RRBP1: variants seen among roughly 807,000 people sequenced by gnomAD.
RRBP1 encodes the protein ribosome-binding protein 1.
A neutral mutation model predicts 165.2 loss-of-function variants in RRBP1; 94 were observed. The ratio of observed to expected loss-of-function variants is 0.57; its 90% CI spans 0.48 to 0.68. The LOEUF (loss-of-function observed/expected upper bound fraction) is 0.68. Among genes scored for constraint, RRBP1 ranks in the 30% least tolerant of loss-of-function variants. RRBP1 has a pLI of 0.00. For missense variants in RRBP1, 1,676 were observed against 1,763.0 expected (o/e 0.95, Z 0.88); for synonymous variants, 680 against 714.5 (o/e 0.95, Z 0.77).
chr20:17,620,687 G>T, intron 17 of RRBP1, 28 bp downstream of exon 17: 4 of 1,563,156 alleles, frequency 2.6e-6, no homozygotes, highest in Middle Eastern at 1.7e-4. Context: ...GCTCCACGGC[G>T]CCGGGAGGCA....
chr20:17,643,166 T>G lies in RRBP1; in HGVS notation c.1913-39A>C. The G allele has an allele frequency of 1.2e-6, 2 of 1,604,378 alleles. No homozygotes were observed. The highest frequency in any genetic ancestry group is 1.7e-6 in the Non-Finnish European group (2 of 1,176,058). ...GGGAAAGAGCTGAGACTTAGGCCCATAAGCCACAACACACGTGGCCACAAT... is the reference window on the plus strand; with the variant it reads ...GGGAAAGAGCTGAGACTTAGGCCCAGAAGCCACAACACACGTGGCCACAAT... On this transcript the variant is annotated intron_variant, in intron 3 of 24. Coordinates refer to ENST00000377813, the MANE Select transcript of RRBP1 (RefSeq NM_001365613.2). This position sits in a 1 kb window ranked among gnomAD's most constrained non-coding sequence, Gnocchi z 4.3.
intron 2 of RRBP1, among the ~76,000 whole-genome samples, chr20:17,663,025 A>T (rs369368557): frequency 9.9e-5 from 15 of 152,136 alleles, no homozygotes; most frequent in South Asian, 2.1e-4. Flanking sequence ...AAAAAAAAAT[A>T]AAAAATCCTC....
chr20:17,641,681 C>T (rs1217470557), intron 5 of RRBP1, 116 bp downstream of exon 5: 2 of 1,292,210 alleles, frequency 1.5e-6, no homozygotes, highest in Admixed American at 3.4e-5. Flanking sequence ...GCCTGACAGC[C>T]AGCTACGTTC....
At chr20:17,647,827 C>T (rs906138730) in intron 3 of RRBP1, among the ~76,000 whole-genome samples, 24 of 152,230 alleles carry the variant, frequency 1.6e-4, no homozygotes, top group Non-Finnish European at 2.2e-4. Context: ...CTGCTGCCTC[C>T]GGGCCTGCAC....
intron 19 of RRBP1, 128 bp from the exon 20 acceptor site, chr20:17,618,807 A>G (rs1416343230): frequency 5.6e-6 from 4 of 719,662 alleles, no homozygotes; most frequent in South Asian, 1.6e-5. Flanking sequence ...GGAGGGTCAC[A>G]GCATCGGGCC....
rs566472260 is a variant in RRBP1 at position 17,667,943 on chromosome 20, G to A, written c.-21-7415C>T. 1.4e-3 allele frequency among the ~76,000 whole-genome samples: 208 copies of A among 152,324 alleles called. 1 individual carries two copies. Among genetic ancestry groups the A allele is most frequent in the African/African-American group, 4.7e-3 (196 of 41,564 alleles). ...AGTTTTCTCTCACCATGTTGAAGAT[G>A]TTATTTCACTTGTCTTCCGGCATTT... On this transcript the variant is annotated intron_variant, in intron 2 of 24. Transcript: ENST00000377813.
chr20:17,641,065 G>GC (rs113087318), intron 5 of RRBP1, among the ~76,000 whole-genome samples: 2,816 of 152,280 alleles, frequency 0.018, 31 homozygotes, highest in Middle Eastern at 0.061. Context: ...GGGCCAGGGG[G>GC]CCCCTCACCC....
intron 23 of RRBP1, 32 bp downstream of exon 23, chr20:17,615,399 C>T: frequency 6.4e-7 from 1 of 1,558,018 alleles, no homozygotes; most frequent in South Asian, 1.1e-5. Context: ...GCAGACCCTC[C>T]AGGTGTGACC....
chr20:17,615,917 G>A lies in RRBP1; in HGVS notation c.3951+9C>T. ...GATGGGGGCTGAGAGCCACCAGGCAGGGCCTGACCTCCTCAAACTCGGCCG... is the reference window on the plus strand; with the variant it reads ...GATGGGGGCTGAGAGCCACCAGGCAAGGCCTGACCTCCTCAAACTCGGCCG... On this transcript the variant is annotated intron_variant, in intron 22 of 24. Transcript: ENST00000377813. 1 of 1,608,226 alleles carries A rather than the reference G, an allele frequency of 6.2e-7. No individual in the cohort carries two copies. The highest frequency in any genetic ancestry group is 8.5e-7 in the Non-Finnish European group (1 of 1,179,008).
At chr20:17,632,035 G>A (rs760236535) in intron 8 of RRBP1, among the ~76,000 whole-genome samples, 1 of 152,228 alleles carries the variant, frequency 6.6e-6, no homozygotes, top group Admixed American at 6.5e-5. Flanking sequence ...AACTCCCACA[G>A]TCACCCTGCA....
chr20:17,658,446 T>C, intron 3 of RRBP1, 150 bp downstream of exon 3: 1 of 647,998 alleles, frequency 1.5e-6, no homozygotes, highest in Non-Finnish European at 2.5e-6. Flanking sequence ...ATGACTGCTG[T>C]TGAAGGCCAC....
At chr20:17,676,718 T>C (rs1299164132) in intron 2 of RRBP1, among the ~76,000 whole-genome samples, 1 of 152,142 alleles carries the variant, frequency 6.6e-6, no homozygotes, top group Non-Finnish European at 1.5e-5. Flanking sequence ...GAAATTCCCA[T>C]TTTCCCCCAG....
At chr20:17,672,824 T>C (rs948912443) in intron 2 of RRBP1, among the ~76,000 whole-genome samples, 2 of 152,168 alleles carry the variant, frequency 1.3e-5, no homozygotes, top group African/African-American at 4.8e-5. Context: ...AAACTACAAT[T>C]ACCCCAACAA....
chr20:17,621,211 C>T (rs545506683), intron 16 of RRBP1, among the ~76,000 whole-genome samples: 9 of 152,326 alleles, frequency 5.9e-5, no homozygotes, highest in African/African-American at 2.2e-4. Flanking sequence ...CTGCTTACCC[C>T]GTCCTTCCCC....
chr20:17,656,098 C>G (rs1331074942), intron 3 of RRBP1, among the ~76,000 whole-genome samples: 1 of 152,250 alleles, frequency 6.6e-6, no homozygotes, highest in Non-Finnish European at 1.5e-5. Context: ...GCAGATGGCC[C>G]TGAAGATGCC....
At chr20:17,642,402 T>C (rs2036380415) in intron 4 of RRBP1, among the ~76,000 whole-genome samples, 1 of 152,046 alleles carries the variant, frequency 6.6e-6, no homozygotes, top group African/African-American at 2.4e-5. Context: ...TCGGTGCCAC[T>C]GAGACTGTGC....
chr20:17,665,206 C>G (rs563393460), intron 2 of RRBP1, among the ~76,000 whole-genome samples: 1 of 152,248 alleles, frequency 6.6e-6, no homozygotes, highest in South Asian at 2.1e-4. Context: ...ACCACTTCCA[C>G]CTGCTTTTGC....
Position 17,615,927 on chromosome 20 carries a change from T to C in RRBP1, c.3950A>G (p.Glu1317Gly), listed in dbSNP as rs772224213. 6.2e-7 allele frequency: 1 copy of C among 1,609,468 alleles called. No individual in the cohort carries two copies. Among genetic ancestry groups the C allele is most frequent in the East Asian group, 2.2e-5 (1 of 44,856 alleles). The change falls in exon 22 of 25, where the codon GAG becomes GGG. Residue 1317 changes from glutamate to glycine, a missense_variant and splice_region_variant. Physicochemically the swap from Glu to Gly is moderately conservative, Grantham distance 98 (BLOSUM62 -2). Transcript: ENST00000377813. The part of the protein sequence containing the change: ...QRQKLTAEFE[E>G]AQTSACRLQE... ...GAGAGCCACCAGGCAGGGCCTGACC[T>C]CCTCAAACTCGGCCGTGAGCTTCTG...
intron 19 of RRBP1, 73 bp downstream of exon 19, chr20:17,619,560 C>G (rs2035866986): frequency 1.8e-6 from 2 of 1,103,620 alleles, no homozygotes; most frequent in Admixed American, 4.8e-5. Context: ...TCCCACAGGG[C>G]TGAGGAGAAG....
Sources: allele counts gnomAD v4.1 joint callset (sites outside exome capture counted in the v4.1 genomes callset), GRCh38; gene constraint gnomAD v4.1.1; non-coding constraint Gnocchi (gnomAD v3.1); transcripts MANE v1.5; gene names NCBI Gene and HGNC (gene_info 2026-07-23, HGNC 2026-07-21).